The following CALD1 variants were observed in gnomAD, a reference collection of about 807,000 sequenced individuals.
CALD1 encodes caldesmon 1.
Under a neutral mutation model 99.9 loss-of-function variants are expected in CALD1, and 33 were observed. The observed-to-expected ratio is 0.33, with a 90% confidence interval of 0.25 to 0.44. The LOEUF (loss-of-function observed/expected upper bound fraction) is 0.44, where lower values mean the gene tolerates loss of function less well. CALD1 is among the 20% of genes least tolerant of loss of function. The probability of loss-of-function intolerance (pLI) is 1.00; values close to 1 mark genes in which losing one functional copy is unlikely to be tolerated. For synonymous variants in CALD1, 310 were observed against 325.0 expected (o/e 0.95, Z 0.50); for missense variants, 861 against 962.1 (o/e 0.89, Z 1.39).
chr7:134,955,485 C>T (rs1421765014), intron 9 of CALD1, among the ~76,000 whole-genome samples: 1 of 152,216 alleles, frequency 6.6e-6, no homozygotes, highest in African/African-American at 2.4e-5. Flanking sequence ...AAATGTATTT[C>T]TCACAGTCCT....
At chr7:134,813,616 T>C (rs1373289517) in intron 1 of CALD1, among the ~76,000 whole-genome samples, 2 of 152,154 alleles carry the variant, frequency 1.3e-5, no homozygotes, top group Non-Finnish European at 2.9e-5. Context: ...ATTGCCTCTA[T>C]TTTCTCAGTT....
chr7:134,717,230 T>G, the CALD1 span, among the ~76,000 whole-genome samples: 1 of 152,298 alleles, frequency 6.6e-6, no homozygotes, highest in Admixed American at 6.5e-5. Flanking sequence ...ATCCATGGTT[T>G]AGGGTAGGGT....
chr7:134,749,465 C>A lies in CALD1; in HGVS notation c.-130+5102C>A, dbSNP rs558609844. Among the ~76,000 whole-genome samples the A allele has an allele frequency of 3.0e-3, 460 of 152,214 alleles. 1 individual carries two copies. Among genetic ancestry groups the A allele is most frequent in the Non-Finnish European group, 3.9e-3 (266 of 68,010 alleles). On this transcript the variant is annotated intron_variant, in intron 1 of 13. Coordinates refer to the CALD1 transcript ENST00000417172. ...TGAAACCCCATCTCTACTAAAAATACAAAATTAGCTGGGCATGATGGCACA... is the reference window on the plus strand; with the variant it reads ...TGAAACCCCATCTCTACTAAAAATAAAAAATTAGCTGGGCATGATGGCACA...
At chr7:134,836,080 G>A (rs1253706041) in intron 1 of CALD1, among the ~76,000 whole-genome samples, 1 of 151,224 alleles carries the variant, frequency 6.6e-6, no homozygotes, top group Non-Finnish European at 1.5e-5. Context: ...GGGAGGCAGA[G>A]GTTGCAGTGA....
At chr7:134,726,833 T>C in the CALD1 span, among the ~76,000 whole-genome samples, 91,345 of 152,032 alleles carry the variant, frequency 0.6, 30,362 homozygotes, top group East Asian at 0.91. Context: ...GGACCACAGC[T>C]AAAATCTTGC....
chr7:134,869,870 T>C (rs564366653), intron 3 of CALD1, among the ~76,000 whole-genome samples: 73 of 152,140 alleles, frequency 4.8e-4, no homozygotes, highest in East Asian at 3.9e-4. Context: ...CAAGGTATAA[T>C]GGAAGCCATC....
At chr7:134,849,235 C>G (rs1799977163) in intron 2 of CALD1, among the ~76,000 whole-genome samples, 1 of 152,184 alleles carries the variant, frequency 6.6e-6, no homozygotes, top group South Asian at 2.1e-4. Flanking sequence ...CTGGCTATAT[C>G]TGTAAATCTA....
intron 3 of CALD1, among the ~76,000 whole-genome samples, chr7:134,928,356 G>A (rs1341766083): frequency 1.3e-5 from 2 of 150,022 alleles, no homozygotes; most frequent in Non-Finnish European, 2.9e-5. Context: ...TTGATCCCAG[G>A]AGGTGGAGGT....
chr7:134,766,206 T>G (rs1006950821), intron 1 of CALD1, among the ~76,000 whole-genome samples: 2 of 140,850 alleles, frequency 1.4e-5, no homozygotes, highest in Non-Finnish European at 3.0e-5. Flanking sequence ...GGCTGGAGTG[T>G]AGTGGCACGA....
intron 1 of CALD1, among the ~76,000 whole-genome samples, chr7:134,828,133 C>T (rs894981434): frequency 3.4e-4 from 52 of 152,182 alleles, no homozygotes; most frequent in African/African-American, 1.2e-3. Flanking sequence ...TTTGGCAATC[C>T]TCACTCTGTT....
the CALD1 span, among the ~76,000 whole-genome samples, chr7:134,719,932 CTTG>C: frequency 1.3e-5 from 2 of 152,162 alleles, no homozygotes; most frequent in African/African-American, 4.8e-5. Context: ...TGTTTGTTTT[CTTG>C]TTTGTATCTC....
intron 3 of CALD1, chr7:134,928,159 C>T (rs1805190923): frequency 4.1e-6 from 1 of 242,334 alleles, no homozygotes; most frequent in Non-Finnish European, 8.9e-6. Context: ...AGGCCAGGCC[C>T]GGTGGCTCAC....
intron 1 of CALD1, among the ~76,000 whole-genome samples, chr7:134,819,082 G>GC (rs1368864779): frequency 2.6e-5 from 4 of 152,046 alleles, no homozygotes; most frequent in Non-Finnish European, 5.9e-5. Context: ...TTCACACAAG[G>GC]CAAGAGCAAC....
At chr7:134,936,123 T>C (rs1375950905) in intron 6 of CALD1, among the ~76,000 whole-genome samples, 1 of 152,250 alleles carries the variant, frequency 6.6e-6, no homozygotes, top group African/African-American at 2.4e-5. Flanking sequence ...GCTAATTTTT[T>C]TTCCTTGAGC....
intron 1 of CALD1, among the ~76,000 whole-genome samples, chr7:134,830,016 G>C (rs1384079740): frequency 1.3e-5 from 2 of 152,050 alleles, no homozygotes; most frequent in Non-Finnish European, 2.9e-5. Flanking sequence ...GGTGTCATTT[G>C]CTAAGATGGG....
At chr7:134,761,897 T>C (rs990507645) in intron 1 of CALD1, among the ~76,000 whole-genome samples, 3 of 152,206 alleles carry the variant, frequency 2.0e-5, no homozygotes, top group African/African-American at 7.2e-5. Flanking sequence ...ATCAGGTCTT[T>C]GCAGCTTATA....
intron 3 of CALD1, among the ~76,000 whole-genome samples, chr7:134,884,932 CTTTCT>C (rs1300946907): frequency 2.6e-5 from 4 of 152,156 alleles, no homozygotes; most frequent in African/African-American, 9.6e-5. Flanking sequence ...TATTTTCTTT[CTTTCT>C]TTTATTTATT....
rs555838175 is a variant in CALD1 at position 134,874,935 on chromosome 7, C to T, written c.71+7131C>T. On this transcript the variant is annotated intron_variant, in intron 3 of 14. Coordinates refer to ENST00000361675, the MANE Select transcript of CALD1 (RefSeq NM_033138.4). Reference sequence around the variant, plus strand: ...CAATGAATGATTATACAACACACAACCCCTCACACACGCAAACCCAACACT... The same window carrying T: ...CAATGAATGATTATACAACACACAATCCCTCACACACGCAAACCCAACACT... Among the ~76,000 whole-genome samples the T allele has an allele frequency of 3.3e-5, 5 of 152,294 alleles. No homozygotes were observed. The South Asian group carries it at 1.0e-3, about 32-fold the overall frequency.
chr7:134,902,902 A>AGGTGAATGGATAAATGGATAAAT (rs1803100942), intron 3 of CALD1, among the ~76,000 whole-genome samples: 1 of 152,204 alleles, frequency 6.6e-6, no homozygotes, highest in Non-Finnish European at 1.5e-5. Context: ...GTCCTTCAAT[A>AGGTGAATGGATAAATGGATAAAT]GGTGAATGGA....
Sources: allele counts gnomAD v4.1 joint callset (sites outside exome capture counted in the v4.1 genomes callset), GRCh38; gene constraint gnomAD v4.1.1; transcripts MANE v1.5; gene names NCBI Gene and HGNC (gene_info 2026-07-23, HGNC 2026-07-21).